ANOS1: variants seen among roughly 807,000 people sequenced by gnomAD.
ANOS1 encodes the protein anosmin 1.
A neutral mutation model predicts 59.0 loss-of-function variants in ANOS1; 6 were observed. The observed-to-expected ratio is 0.10, with a 90% CI of 0.06 to 0.20. The LOEUF (loss-of-function observed/expected upper bound fraction) is 0.20, where lower values mean the gene tolerates loss of function less well. Among genes scored for constraint, ANOS1 ranks in the 10% least tolerant of loss-of-function variants. The probability of loss-of-function intolerance (pLI) is 1.00; values close to 1 mark genes in which losing one functional copy is unlikely to be tolerated. For missense variants in ANOS1, 433 were observed against 542.3 expected (o/e 0.80, Z 2.00); for synonymous variants, 217 against 223.4 (o/e 0.97, Z 0.25).
chrX:8,646,924 A>G lies in ANOS1; in HGVS notation c.256-23254T>C, dbSNP rs59187089. ...CTCCACCCTGGGCTACAGAGTGCGA[A>G]CCTGTCTCAAAAAAAAAAAAAAAAA... On this transcript the variant is annotated intron_variant, in intron 2 of 13. Coordinates refer to ENST00000262648, the MANE Select transcript of ANOS1 (RefSeq NM_000216.4). Among the ~76,000 whole-genome samples, 12 of 95,585 alleles carry G rather than the reference A, an allele frequency of 1.3e-4. No homozygotes were observed. The East Asian group carries it at 3.9e-3, about 31-fold the overall frequency. 83.0% of individuals were successfully genotyped at this position (95,585 alleles called of 115,157 possible). A position where few individuals can be genotyped will look rare whatever the true frequency, so the allele number is the denominator to read the frequency against.
At chrX:8,658,510 G>A (rs912427285) in intron 2 of ANOS1, among the ~76,000 whole-genome samples, 1 of 112,021 alleles carries the variant, frequency 8.9e-6, no homozygotes, top group Non-Finnish European at 1.9e-5. Context: ...AGATACTTAC[G>A]AATTGTTCAA....
chrX:8,534,445 T>G lies in ANOS1; in HGVS notation c.1858A>C (p.Thr620Pro), dbSNP rs1569251738. The change falls in exon 13 of 14, where the codon ACA becomes CCA. Residue 620 changes from threonine to proline, a missense_variant. Coordinates refer to ENST00000262648, the MANE Select transcript of ANOS1 (RefSeq NM_000216.4). ...GTAGATGGTCTCAGATTGGGCACTG[T>G]TAGGACATAATGATCCTAAGGGGAC... Reference protein sequence around the residue: ...QILPSDHYVLTVPNLRPSTLY... With the variant: ...QILPSDHYVLPVPNLRPSTLY... The G allele has an allele frequency of 1.7e-6, 2 of 1,210,380 alleles. No individual in the cohort carries two copies. The highest frequency in any genetic ancestry group is 2.2e-6 in the Non-Finnish European group (2 of 894,690).
At chrX:8,577,288 C>G (rs900580433) in intron 6 of ANOS1, among the ~76,000 whole-genome samples, 2 of 111,857 alleles carry the variant, frequency 1.8e-5, no homozygotes, top group African/African-American at 6.5e-5. Context: ...TTCACTACTT[C>G]AAGAGCAGAG....
At chrX:8,542,604 G>C (rs1337755486) in intron 9 of ANOS1, among the ~76,000 whole-genome samples, 5 of 108,251 alleles carry the variant, frequency 4.6e-5, no homozygotes, top group Non-Finnish European at 3.8e-5. Context: ...CTAAAATCAA[G>C]GCAGGCCTGT....
intron 8 of ANOS1, chrX:8,565,970 T>A: frequency 2.7e-6 from 2 of 750,679 alleles, no homozygotes; most frequent in Non-Finnish European, 3.1e-6. Flanking sequence ...CAATGAGACC[T>A]CCAGGGGAGA....
At chrX:8,687,355 C>T (rs922556483) in intron 2 of ANOS1, among the ~76,000 whole-genome samples, 1 of 110,000 alleles carries the variant, frequency 9.1e-6, no homozygotes, top group African/African-American at 3.3e-5. Flanking sequence ...ATTGTCACTT[C>T]ATAGCTAGCA....
chrX:8,700,313 G>A (rs1932743645), intron 1 of ANOS1, among the ~76,000 whole-genome samples: 1 of 111,227 alleles, frequency 9.0e-6, no homozygotes, highest in African/African-American at 3.3e-5. Flanking sequence ...CATGGCGGAA[G>A]GCAAAGGGGA....
At chrX:8,669,705 C>A (rs1185751534) in intron 2 of ANOS1, among the ~76,000 whole-genome samples, 1 of 111,808 alleles carries the variant, frequency 8.9e-6, no homozygotes, top group Non-Finnish European at 1.9e-5. Context: ...TAGGTAATCT[C>A]ATGCATAATA....
chrX:8,550,328 C>T (rs1183641527), intron 9 of ANOS1, among the ~76,000 whole-genome samples: 2 of 111,390 alleles, frequency 1.8e-5, no homozygotes, highest in Non-Finnish European at 3.8e-5. Context: ...TATTATAAAA[C>T]ATTGTTGAGA....
At chrX:8,675,130 A>G (rs1932316203) in intron 2 of ANOS1, among the ~76,000 whole-genome samples, 1 of 111,397 alleles carries the variant, frequency 9.0e-6, no homozygotes, top group Non-Finnish European at 1.9e-5. Context: ...GCTCCTGTAC[A>G]TCCTATACAA....
chrX:8,537,685 G>T lies in ANOS1; in HGVS notation c.1450-743C>A, dbSNP rs1249351672. ...AGCTACTCGAGAGGCTGAGGTGGGA[G>T]GATCGCTTGAACTCAGGAGTTTGTG... On this transcript the variant is annotated intron_variant, in intron 10 of 13. Transcript: ENST00000262648. Among the ~76,000 whole-genome samples the T allele has an allele frequency of 1.4e-4, 15 of 110,708 alleles. No homozygotes were observed. The Admixed American group carries it at 1.5e-3, about 11-fold the overall frequency.
intron 2 of ANOS1, among the ~76,000 whole-genome samples, chrX:8,676,794 C>T (rs755819090): frequency 1.8e-5 from 2 of 111,885 alleles, no homozygotes; most frequent in Non-Finnish European, 3.8e-5. Flanking sequence ...TTATGACAAA[C>T]CATTTGTCGA....
intron 4 of ANOS1, among the ~76,000 whole-genome samples, chrX:8,588,639 G>A (rs1381934774): frequency 1.8e-5 from 2 of 111,855 alleles, no homozygotes; most frequent in East Asian, 2.8e-4. Flanking sequence ...ATAATGTTTG[G>A]TTTTGGCATG....
intron 8 of ANOS1, chrX:8,566,295 C>T (rs1238931390): frequency 6.9e-6 from 5 of 725,005 alleles, no homozygotes; most frequent in Non-Finnish European, 8.1e-6. Context: ...AGGCAGAAAC[C>T]AAAATACATC....
chrX:8,603,171 A>G (rs755970028), intron 3 of ANOS1, among the ~76,000 whole-genome samples: 1 of 112,432 alleles, frequency 8.9e-6, no homozygotes, highest in East Asian at 2.8e-4. Context: ...TGCAAAGATT[A>G]TGTATTTTTT....
intron 2 of ANOS1, among the ~76,000 whole-genome samples, chrX:8,681,396 C>A (rs73199062): frequency 4.5e-5 from 5 of 111,994 alleles, no homozygotes; most frequent in Non-Finnish European, 9.4e-5. Context: ...CAATACAAAC[C>A]AGTAAAATGT....
At chrX:8,650,214 C>T (rs1442545553) in intron 2 of ANOS1, among the ~76,000 whole-genome samples, 1 of 112,497 alleles carries the variant, frequency 8.9e-6, no homozygotes, top group African/African-American at 3.2e-5. Context: ...TAAACCATTG[C>T]TTTGGAATGT....
At chrX:8,682,255 T>C (rs1414406058) in intron 2 of ANOS1, among the ~76,000 whole-genome samples, 7 of 108,443 alleles carry the variant, frequency 6.5e-5, no homozygotes, top group Non-Finnish European at 9.5e-5. Flanking sequence ...GATTAATCAA[T>C]TGGTCCTGGG....
At chrX:8,566,021 G>C in intron 8 of ANOS1, 2 of 754,709 alleles carry the variant, frequency 2.7e-6, no homozygotes, top group Non-Finnish European at 3.1e-6. Context: ...CTCACGCTGA[G>C]TTCTCTGCCC....
Sources: gnomAD v4.1 joint callset for allele counts (sites outside exome capture counted in the v4.1 genomes callset) on GRCh38, gnomAD v4.1.1 for gene constraint, MANE v1.5 for transcripts, NCBI Gene and HGNC (gene_info 2026-07-23, HGNC 2026-07-21) for gene names.